EFHD1: variants seen among roughly 807,000 people sequenced by gnomAD.
EFHD1 encodes EF-hand domain-containing protein D1.
A neutral mutation model predicts 17.2 loss-of-function variants in EFHD1; 10 were observed. That is an observed-to-expected ratio of 0.58 (90% CI 0.36 to 0.99). The LOEUF is 0.99. Ranked by LOEUF, EFHD1 falls within the 50% of genes least tolerant of loss-of-function variation. The pLI is 0.01. For missense variants in EFHD1, 310 were observed against 327.5 expected (o/e 0.95, Z 0.41); for synonymous variants, 153 against 142.0 (o/e 1.08, Z -0.55).
At position 232,649,845 on chromosome 2, in the gene EFHD1, AG is replaced by A. The variant is rs1694606740; in HGVS notation, c.303-12954del. The A allele has an allele frequency of 3.9e-5, 6 of 152,238 alleles. No individual in the cohort carries two copies. The South Asian group carries it at 1.2e-3, about 32-fold the overall frequency. 9.4% of individuals were successfully genotyped at this position (152,238 alleles called of 1,614,324 possible). A position where few individuals can be genotyped will look rare whatever the true frequency, so the allele number is the denominator to read the frequency against. On this transcript the variant is annotated intron_variant, in intron 1 of 3. Coordinates refer to ENST00000264059, the MANE Select transcript of EFHD1 (RefSeq NM_025202.4). The stretch of plus-strand genomic sequence containing the variant: ...AGAGTCTGGAGACTATAAAGATGAA[AG>A]GGACTGAGCGTGGTGATACATGCCT...
intron 1 of EFHD1, among the ~76,000 whole-genome samples, chr2:232,647,457 C>T (rs1430922476): frequency 6.6e-6 from 1 of 152,210 alleles, no homozygotes; most frequent in Non-Finnish European, 1.5e-5. Flanking sequence ...CGTTTCCTTC[C>T]CTGACCTTGG....
intron 1 of EFHD1, among the ~76,000 whole-genome samples, chr2:232,625,887 T>C (rs1694097165): frequency 6.6e-6 from 1 of 152,122 alleles, no homozygotes; most frequent in Admixed American, 6.6e-5. Flanking sequence ...AAAAAATTAA[T>C]TGCATTTAAG....
chr2:232,652,960 TTTC>T (rs1461089244), intron 1 of EFHD1, among the ~76,000 whole-genome samples: 1 of 152,232 alleles, frequency 6.6e-6, no homozygotes, highest in East Asian at 1.9e-4. Flanking sequence ...TATTATTTTT[TTTC>T]TTTTTATTAT....
chr2:232,620,965 G>T (rs1694007732), intron 1 of EFHD1, among the ~76,000 whole-genome samples: 1 of 152,146 alleles, frequency 6.6e-6, no homozygotes, highest in African/African-American at 2.4e-5. Context: ...GAGTGTCGGG[G>T]TTCTCTAAGA....
chr2:232,606,243 A>C, intron 1 of EFHD1: 1 of 1,518,508 alleles, frequency 6.6e-7, no homozygotes, highest in East Asian at 2.4e-5. Flanking sequence ...GGCGATTTTT[A>C]CTCTGGTCCA....
At chr2:232,627,516 G>T (rs1193168362) in intron 1 of EFHD1, among the ~76,000 whole-genome samples, 1 of 152,088 alleles carries the variant, frequency 6.6e-6, no homozygotes, top group African/African-American at 2.4e-5. Flanking sequence ...CCTATTAAAT[G>T]ACACCTCCCT....
chr2:232,627,066 T>TATA (rs1694119963), intron 1 of EFHD1, among the ~76,000 whole-genome samples: 1 of 72,944 alleles, frequency 1.4e-5, no homozygotes, highest in Admixed American at 1.5e-4. Context: ...ATATATATAT[T>TATA]TTTTTTTTTT....
intron 2 of EFHD1, among the ~76,000 whole-genome samples, chr2:232,671,275 TAAA>T (rs869127791): frequency 7.6e-6 from 1 of 132,284 alleles, no homozygotes. Flanking sequence ...CTCTACAAAT[TAAA>T]AAAAAAAAAA....
chr2:232,633,986 C>T lies in EFHD1; in HGVS notation c.282C>T (p.Asp94=). The T allele has an allele frequency of 6.3e-7, 1 of 1,597,414 alleles. No individual in the cohort carries two copies. The highest frequency in any genetic ancestry group is 8.5e-7 in the Non-Finnish European group (1 of 1,179,158). ...AGTTCAGCCGCCGCCTCATCAAGGA[C>T]CTGGAGAGCATGTTCAAACTGTGAG... ...FPEFSRRLIK[D]LESMFKLYDA... is the part of the protein sequence containing the mutation. Residue 94 remains aspartate (D), a synonymous_variant, in exon 1 of 4, where the codon GAC becomes GAT. Transcript: ENST00000264059.
At chr2:232,648,841 C>T (rs936306965) in intron 1 of EFHD1, among the ~76,000 whole-genome samples, 15 of 152,132 alleles carry the variant, frequency 9.9e-5, no homozygotes, top group African/African-American at 3.6e-4. Flanking sequence ...AAAGGCAATG[C>T]GTGATTTCTA....
intron 1 of EFHD1, among the ~76,000 whole-genome samples, chr2:232,643,431 A>G (rs147891036): frequency 0.015 from 2,352 of 152,148 alleles, 30 homozygotes; most frequent in Middle Eastern, 0.037. Flanking sequence ...TTTTTGAGAC[A>G]GGGTCTTGCT....
At chr2:232,608,609 G>T (rs1032667209) in intron 1 of EFHD1, among the ~76,000 whole-genome samples, 2 of 152,126 alleles carry the variant, frequency 1.3e-5, no homozygotes, top group Admixed American at 1.3e-4. Flanking sequence ...GAAAACACTT[G>T]ATCAGCATTG....
At chr2:232,671,252 T>G (rs1277927864) in intron 2 of EFHD1, among the ~76,000 whole-genome samples, 1 of 149,050 alleles carries the variant, frequency 6.7e-6, no homozygotes, top group African/African-American at 2.5e-5. Context: ...CTGGGCAACG[T>G]AGAAGACCCT....
At chr2:232,660,351 C>A (rs984703716) in intron 1 of EFHD1, among the ~76,000 whole-genome samples, 1 of 151,794 alleles carries the variant, frequency 6.6e-6, no homozygotes, top group African/African-American at 2.4e-5. Flanking sequence ...CCTGCCACCA[C>A]GCCCGGCTCA....
chr2:232,663,185 C>T (rs536462892), intron 2 of EFHD1, among the ~76,000 whole-genome samples: 19 of 152,014 alleles, frequency 1.2e-4, no homozygotes, highest in Admixed American at 1.2e-3. Context: ...AGAAATTTGG[C>T]GATGTTCACC....
intron 2 of EFHD1, among the ~76,000 whole-genome samples, chr2:232,664,121 C>A (rs776286392): frequency 1.5e-4 from 22 of 150,898 alleles, no homozygotes; most frequent in African/African-American, 5.1e-4. Context: ...TTTATATTTT[C>A]GTTTTCATTG....
chr2:232,635,159 C>A (rs1474601761), intron 1 of EFHD1, among the ~76,000 whole-genome samples: 1 of 152,216 alleles, frequency 6.6e-6, no homozygotes, highest in African/African-American at 2.4e-5. Flanking sequence ...TTCAGGAAGG[C>A]CCAGTGCGCT....
chr2:232,618,472 C>T (rs1693964673), intron 1 of EFHD1, among the ~76,000 whole-genome samples: 1 of 152,050 alleles, frequency 6.6e-6, no homozygotes. Context: ...CCTATAATCC[C>T]AGAACTTTGG....
chr2:232,656,039 C>T (rs1192611495), intron 1 of EFHD1, among the ~76,000 whole-genome samples: 3 of 152,014 alleles, frequency 2.0e-5, no homozygotes, highest in Admixed American at 6.6e-5. Context: ...ATCTCCTGAC[C>T]GCGTGATCCA....
Sources: allele counts gnomAD v4.1 joint callset (sites outside exome capture counted in the v4.1 genomes callset), GRCh38; gene constraint gnomAD v4.1.1; transcripts MANE v1.5; gene names NCBI Gene and HGNC (gene_info 2026-07-23, HGNC 2026-07-21).